CTIF: variants seen among roughly 807,000 people sequenced by gnomAD.
The protein encoded by CTIF is CBP80/20-dependent translation initiation factor.
CTIF carries 21 observed loss-of-function variants against 66.0 expected under a neutral mutation model. The ratio of observed to expected loss-of-function variants is 0.32; its 90% CI spans 0.23 to 0.46. The LOEUF (loss-of-function observed/expected upper bound fraction) is 0.46. CTIF is among the 20% of genes least tolerant of loss of function. CTIF has a pLI of 1.00. For synonymous variants in CTIF, 345 were observed against 326.4 expected (o/e 1.06, Z -0.62); for missense variants, 739 against 812.7 (o/e 0.91, Z 1.10).
intron 3 of CTIF, among the ~76,000 whole-genome samples, chr18:48,647,416 A>C (rs1050185056): frequency 6.6e-6 from 1 of 152,168 alleles, no homozygotes; most frequent in Admixed American, 6.5e-5. Context: ...GGACTTCATC[A>C]TAATTAAACT....
At chr18:48,596,883 C>A (rs1268938264) in intron 1 of CTIF, among the ~76,000 whole-genome samples, 1 of 152,126 alleles carries the variant, frequency 6.6e-6, no homozygotes, top group African/African-American at 2.4e-5. Context: ...TACATTTTCT[C>A]CCCCAGTGTT....
Position 48,738,777 on chromosome 18 carries a change from T to A in CTIF, c.585-19142T>A, listed in dbSNP as rs138107607. Among the ~76,000 whole-genome samples the A allele has an allele frequency of 5.1e-3, 773 of 152,364 alleles. 1 individual carries two copies. The highest frequency in any genetic ancestry group is 0.044 in the Middle Eastern group (13 of 294). ...CATGGTGCATTTGTTCTGTTTATCT[T>A]CTGCATCTCCCCGCTGGGTGATGAG... On this transcript the variant is annotated intron_variant, in intron 7 of 11. Transcript: ENST00000256413.
Position 48,761,256 on chromosome 18 carries a change from G to A in CTIF, c.1072-134G>A, listed in dbSNP as rs1908954783. On this transcript the variant is annotated intron_variant, in intron 8 of 11. Coordinates refer to ENST00000256413, the MANE Select transcript of CTIF (RefSeq NM_014772.3). The surrounding 1 kb of genome is among the most constrained non-coding windows in gnomAD (Gnocchi z 4.2). ...GGGTCTTTGGTGGAGGTTCCCAGAG[G>A]GACCAGCCCTCAGATCCAGGGAAGT... 1.2e-6 allele frequency: 1 copy of A among 801,750 alleles called. No individual in the cohort carries two copies. The highest frequency in any genetic ancestry group is 2.8e-5 in the Admixed American group (1 of 35,288). 49.7% of individuals were successfully genotyped at this position (801,750 alleles called of 1,614,324 possible).
In CTIF at chr18:48,664,488, C is replaced by T. The variant is rs2091401318; in HGVS notation, c.368C>T (p.Thr123Ile). The change falls in exon 5 of 12, where the codon ACC becomes ATC. Residue 123 changes from threonine (T) to isoleucine (I), a missense_variant. Transcript: ENST00000256413. ...CTGCAGCCGGAAAAGCTGGACTTCACCCAGTTCCACCGCAAAGTCCGACAC... is the reference window on the plus strand; with the variant it reads ...CTGCAGCCGGAAAAGCTGGACTTCATCCAGTTCCACCGCAAAGTCCGACAC... ...WDLQPEKLDF[T>I]QFHRKVRHTP... is the part of the protein sequence containing the mutation. The T allele has an allele frequency of 6.2e-7, 1 of 1,613,646 alleles. No homozygotes were observed. Among genetic ancestry groups the T allele is most frequent in the Admixed American group, 1.7e-5 (1 of 60,030 alleles).
At chr18:48,813,303 C>T (rs139869375) in intron 9 of CTIF, among the ~76,000 whole-genome samples, 286 of 152,356 alleles carry the variant, frequency 1.9e-3, no homozygotes, top group African/African-American at 6.3e-3. Context: ...ATTCTCCTTA[C>T]ATACAAGCCC....
chr18:48,628,154 G>C (rs1322109892), intron 2 of CTIF, among the ~76,000 whole-genome samples: 2 of 152,208 alleles, frequency 1.3e-5, no homozygotes, highest in African/African-American at 4.8e-5. Flanking sequence ...GCAGAAATGA[G>C]CTATGCAAGA....
chr18:48,635,114 C>T (rs1225985842), intron 2 of CTIF, among the ~76,000 whole-genome samples: 5 of 152,102 alleles, frequency 3.3e-5, no homozygotes, highest in Non-Finnish European at 4.4e-5. Context: ...TACACTTCTA[C>T]CCAGCCTATG....
At chr18:48,598,072 C>T (rs2090019665) in intron 1 of CTIF, among the ~76,000 whole-genome samples, 1 of 152,174 alleles carries the variant, frequency 6.6e-6, no homozygotes. Context: ...CTTAGACTTC[C>T]AGTGGGCCTG....
rs747854897 is a variant in CTIF, at chr18:48,758,394, C to T, written c.1060C>T (p.Leu354=). ...QSSKDRLRRR[L]KEKDEVAVET... ...TTCCAAAGACAGACTGCGGCGAAGGCTAAAGGAAAAGGTACCGGTAATTGA... is the reference window on the plus strand; with the variant it reads ...TTCCAAAGACAGACTGCGGCGAAGGTTAAAGGAAAAGGTACCGGTAATTGA... Residue 354 remains leucine, a synonymous_variant, in exon 8 of 12, where the codon CTA becomes TTA. Transcript: ENST00000256413. 6.3e-7 allele frequency: 1 copy of T among 1,586,248 alleles called. No homozygotes were observed. Among genetic ancestry groups the T allele is most frequent in the South Asian group, 1.1e-5 (1 of 87,998 alleles).
At chr18:48,744,747 G>A (rs1171311621) in intron 7 of CTIF, among the ~76,000 whole-genome samples, 2 of 151,956 alleles carry the variant, frequency 1.3e-5, no homozygotes, top group Non-Finnish European at 2.9e-5. Context: ...TCCAGCGATC[G>A]ATCCTAGACT....
chr18:48,757,418 G>C (rs966455857), intron 7 of CTIF, among the ~76,000 whole-genome samples: 1 of 152,254 alleles, frequency 6.6e-6, no homozygotes, highest in East Asian at 1.9e-4. Context: ...GTTTGAAAGG[G>C]ATATAACTTT....
intron 1 of CTIF, among the ~76,000 whole-genome samples, chr18:48,559,787 T>C (rs906435770): frequency 6.6e-6 from 1 of 151,994 alleles, no homozygotes; most frequent in Non-Finnish European, 1.5e-5. Flanking sequence ...TAATAGACAT[T>C]GGAGACTGTG....
intron 1 of CTIF, among the ~76,000 whole-genome samples, chr18:48,583,530 C>T (rs973187139): frequency 6.6e-6 from 1 of 152,080 alleles, no homozygotes. Flanking sequence ...GACAGTGTGC[C>T]CTCCTGCTAT....
chr18:48,730,730 C>CCT (rs1568172439), intron 7 of CTIF, among the ~76,000 whole-genome samples: 7 of 84,806 alleles, frequency 8.3e-5, no homozygotes, highest in Admixed American at 3.5e-4. Flanking sequence ...GAGGGGCTTC[C>CCT]GTGGTGTGAG....
rs191007726 is a variant in CTIF, at chr18:48,636,017, T to C, written c.181-597T>C. On this transcript the variant is annotated intron_variant, in intron 2 of 11. Transcript: ENST00000256413. ...AAAGCCTGGGGCCCAGGGACCTCCA[T>C]GTTGCAGACTCTGGGGACTCTCGTG... 4.0e-4 allele frequency among the ~76,000 whole-genome samples: 61 copies of C among 152,308 alleles called. 1 individual carries two copies. Among genetic ancestry groups the C allele is most frequent in the South Asian group, 1.7e-3 (8 of 4,834 alleles).
rs150982615 is a variant in CTIF at position 48,577,540 on chromosome 18, A to T, written c.-29+38228A>T. On this transcript the variant is annotated intron_variant, in intron 1 of 11. Transcript: ENST00000256413. ...AAAAAATTCATATAACATAACATTCACCCTTTTGAAGTGGATTTTTTTTGT... is the reference window on the plus strand; with the variant it reads ...AAAAAATTCATATAACATAACATTCTCCCTTTTGAAGTGGATTTTTTTTGT... Among the ~76,000 whole-genome samples, 28 of 151,714 alleles carry T rather than the reference A, an allele frequency of 1.8e-4. No individual in the cohort carries two copies. The East Asian group carries it at 5.0e-3, about 27-fold the overall frequency.
At chr18:48,657,029 G>A (rs949788252) in intron 3 of CTIF, among the ~76,000 whole-genome samples, 3 of 152,218 alleles carry the variant, frequency 2.0e-5, no homozygotes, top group African/African-American at 7.2e-5. Context: ...GAATGGGCAG[G>A]AAGATACAAC....
chr18:48,703,757 T>A (rs903620963), intron 6 of CTIF, among the ~76,000 whole-genome samples: 1 of 151,770 alleles, frequency 6.6e-6, no homozygotes, highest in African/African-American at 2.4e-5. Context: ...GCCCGGGGAC[T>A]CCCCCTCCAC....
chr18:48,663,852 T>C, intron 4 of CTIF, 27 bp downstream of exon 4: 1 of 1,604,816 alleles, frequency 6.2e-7, no homozygotes, highest in Non-Finnish European at 8.5e-7. Context: ...TCCTTCCCTG[T>C]GGTGTGAGGT....
Sources: gnomAD v4.1 joint callset for allele counts (sites outside exome capture counted in the v4.1 genomes callset) on GRCh38, gnomAD v4.1.1 for gene constraint, Gnocchi (gnomAD v3.1) non-coding constraint, MANE v1.5 for transcripts, NCBI Gene and HGNC (gene_info 2026-07-23, HGNC 2026-07-21) for gene names.